ASIC2: variants seen among roughly 807,000 people sequenced by gnomAD.
ASIC2 encodes the protein acid-sensing ion channel 2.
ASIC2 carries 25 observed loss-of-function variants against 57.3 expected under a neutral mutation model. That is an observed-to-expected ratio of 0.44 (90% confidence interval 0.32 to 0.61). The LOEUF (loss-of-function observed/expected upper bound fraction) is 0.61, where lower values mean the gene tolerates loss of function less well. Among genes scored for constraint, ASIC2 ranks in the 20% least tolerant of loss-of-function variants. ASIC2 has a pLI of 0.06. For missense variants in ASIC2, 641 were observed against 738.1 expected (o/e 0.87, Z 1.52); for synonymous variants, 319 against 307.5 (o/e 1.04, Z -0.39).
intron 1 of ASIC2, among the ~76,000 whole-genome samples, chr17:33,505,246 A>G (rs998593700): frequency 5.3e-5 from 8 of 152,050 alleles, no homozygotes; most frequent in South Asian, 2.1e-4. Context: ...GTGAGACCCA[A>G]TCAGTGACTG....
At chr17:33,579,442 G>T (rs540266700) in intron 1 of ASIC2, among the ~76,000 whole-genome samples, 3 of 152,022 alleles carry the variant, frequency 2.0e-5, no homozygotes, top group African/African-American at 7.2e-5. Context: ...CTAGGGCTGC[G>T]GGGTACCCAT....
intron 1 of ASIC2, among the ~76,000 whole-genome samples, chr17:34,121,365 G>T (rs184601804): frequency 1.2e-4 from 18 of 152,130 alleles, no homozygotes; most frequent in Non-Finnish European, 2.2e-4. Context: ...AAGGAACTTC[G>T]CCTGTACTCT....
intron 1 of ASIC2, among the ~76,000 whole-genome samples, chr17:33,895,710 C>G: frequency 6.6e-6 from 1 of 152,204 alleles, no homozygotes; most frequent in South Asian, 2.1e-4. Context: ...CTGAGTTGAT[C>G]CTGGTAGGGA....
At chr17:33,058,297 C>T (rs867853529) in intron 3 of ASIC2, among the ~76,000 whole-genome samples, 53 of 152,184 alleles carry the variant, frequency 3.5e-4, no homozygotes, top group Admixed American at 2.6e-4. Flanking sequence ...CCTCCTTTGT[C>T]AATGCTCAGA....
intron 1 of ASIC2, among the ~76,000 whole-genome samples, chr17:33,754,522 G>A (rs1910527588): frequency 6.6e-6 from 1 of 152,084 alleles, no homozygotes; most frequent in South Asian, 2.1e-4. Flanking sequence ...TGGGTAAACT[G>A]CAAACTCTGA....
At chr17:33,923,356 T>A (rs11868042) in intron 1 of ASIC2, among the ~76,000 whole-genome samples, 22,407 of 152,200 alleles carry the variant, frequency 0.15, 1,705 homozygotes, top group South Asian at 0.21. Flanking sequence ...CACATTTATA[T>A]GAAACTTATG....
Position 33,919,089 on chromosome 17 carries a change from G to C in ASIC2, c.555+236889C>G, listed in dbSNP as rs537080809. Among the ~76,000 whole-genome samples, 9 of 152,268 alleles carry C rather than the reference G, an allele frequency of 5.9e-5. No individual in the cohort carries two copies. In the South Asian group the frequency reaches 1.7e-3, roughly 28 times the overall value. ...GGCTGGGCTGGAGACTGGCTATCTAGCTCCCTGGGCAATGCTAGTGCAGGC... is the reference window on the plus strand; with the variant it reads ...GGCTGGGCTGGAGACTGGCTATCTACCTCCCTGGGCAATGCTAGTGCAGGC... On this transcript the variant is annotated intron_variant, in intron 1 of 9. Transcript: ENST00000359872.
intron 1 of ASIC2, among the ~76,000 whole-genome samples, chr17:33,703,616 G>A (rs958271976): frequency 6.6e-6 from 1 of 152,138 alleles, no homozygotes; most frequent in African/African-American, 2.4e-5. Context: ...GCCTCCCAAA[G>A]TACTGGGATT....
intron 1 of ASIC2, among the ~76,000 whole-genome samples, chr17:33,951,627 G>A (rs1172839293): frequency 6.6e-6 from 1 of 151,176 alleles, no homozygotes; most frequent in African/African-American, 2.4e-5. Flanking sequence ...CTGTCACCCA[G>A]GCTGGAGTAC....
intron 1 of ASIC2, among the ~76,000 whole-genome samples, chr17:33,608,773 C>T (rs909003166): frequency 5.3e-5 from 8 of 152,180 alleles, no homozygotes; most frequent in Non-Finnish European, 1.2e-4. Context: ...CAGAGCCCTT[C>T]ACCAGTATTA....
chr17:33,371,623 A>G (rs974355468), intron 1 of ASIC2, among the ~76,000 whole-genome samples: 1 of 152,158 alleles, frequency 6.6e-6, no homozygotes, highest in African/African-American at 2.4e-5. Context: ...ACTGGTGCTC[A>G]TCAGGGCCAG....
chr17:34,112,252 GT>G (rs1369427739), intron 1 of ASIC2, among the ~76,000 whole-genome samples: 1 of 152,092 alleles, frequency 6.6e-6, no homozygotes, highest in Non-Finnish European at 1.5e-5. Context: ...TTGTAAAACA[GT>G]GATAATATTT....
At chr17:33,557,208 T>A (rs901267154) in intron 1 of ASIC2, among the ~76,000 whole-genome samples, 18 of 152,240 alleles carry the variant, frequency 1.2e-4, no homozygotes, top group African/African-American at 4.3e-4. Flanking sequence ...TTTACAAATG[T>A]TAAGTAACTT....
At chr17:33,605,524 C>T (rs112198305) in intron 1 of ASIC2, among the ~76,000 whole-genome samples, 11 of 152,230 alleles carry the variant, frequency 7.2e-5, no homozygotes, top group South Asian at 2.1e-4. Context: ...CTCTGAGGAC[C>T]GCTTTAATGA....
chr17:33,663,058 C>T (rs1017642285), intron 1 of ASIC2, among the ~76,000 whole-genome samples: 1 of 152,194 alleles, frequency 6.6e-6, no homozygotes, highest in Non-Finnish European at 1.5e-5. Flanking sequence ...CGCCTGCACG[C>T]ACACACACTG....
At chr17:33,772,069 G>C (rs1220020299) in intron 1 of ASIC2, among the ~76,000 whole-genome samples, 1 of 152,180 alleles carries the variant, frequency 6.6e-6, no homozygotes, top group Non-Finnish European at 1.5e-5. Context: ...GCCAACCAGA[G>C]ACACTAGAAT....
At chr17:33,611,304 A>T (rs1009381738) in intron 1 of ASIC2, among the ~76,000 whole-genome samples, 1 of 152,172 alleles carries the variant, frequency 6.6e-6, no homozygotes. Context: ...CTGGGCTCTG[A>T]TCTATGTTCT....
chr17:33,720,013 G>A (rs181084883), intron 1 of ASIC2, among the ~76,000 whole-genome samples: 4 of 152,178 alleles, frequency 2.6e-5, no homozygotes, highest in East Asian at 1.9e-4. Context: ...CCTGAGTATC[G>A]GGGAATACAG....
intron 1 of ASIC2, among the ~76,000 whole-genome samples, chr17:33,375,513 G>A (rs192506723): frequency 6.6e-6 from 1 of 152,282 alleles, no homozygotes; most frequent in Admixed American, 6.5e-5. Flanking sequence ...CTATTAAAAG[G>A]CAGTGAGCAG....
Sources: gnomAD v4.1 joint callset for allele counts (sites outside exome capture counted in the v4.1 genomes callset) on GRCh38, gnomAD v4.1.1 for gene constraint, MANE v1.5 for transcripts, NCBI Gene and HGNC (gene_info 2026-07-23, HGNC 2026-07-21) for gene names.